The following ARHGAP24 variants were observed in gnomAD, a reference collection of about 807,000 sequenced individuals.
ARHGAP24 encodes the protein rho GTPase-activating protein 24.
A neutral mutation model predicts 76.4 loss-of-function variants in ARHGAP24; 50 were observed. That is an observed-to-expected ratio of 0.65 (90% CI 0.52 to 0.83). The LOEUF is 0.83. Among genes scored for constraint, ARHGAP24 ranks in the 40% least tolerant of loss-of-function variants. ARHGAP24 has a pLI of 0.00. For synonymous variants in ARHGAP24, 345 were observed against 323.3 expected (o/e 1.07, Z -0.72); for missense variants, 930 against 914.2 (o/e 1.02, Z -0.22).
At chr4:85,989,499 A>G (rs979958416) in intron 8 of ARHGAP24, among the ~76,000 whole-genome samples, 1 of 151,724 alleles carries the variant, frequency 6.6e-6, no homozygotes, top group Non-Finnish European at 1.5e-5. Flanking sequence ...CTCTTTCAGA[A>G]AAAAAGAAGT....
chr4:85,632,500 A>G (rs570540449), intron 2 of ARHGAP24, among the ~76,000 whole-genome samples: 1 of 151,728 alleles, frequency 6.6e-6, no homozygotes, highest in South Asian at 2.1e-4. Flanking sequence ...ATTGGATTTT[A>G]TATAATAACA....
At position 85,782,075 on chromosome 4, in the gene ARHGAP24, A is replaced by C. The variant is rs534138566; in HGVS notation, c.268+60103A>C. ...AAGAAAAAAAAAAGAAAAAAAAAAC[A>C]ATTGTCTAGAAATTGTGCTTATTTT... On this transcript the variant is annotated intron_variant, in intron 3 of 9. Coordinates refer to ENST00000395184, the MANE Select transcript of ARHGAP24 (RefSeq NM_001025616.3). Among the ~76,000 whole-genome samples, 14 of 149,050 alleles carry C rather than the reference A, an allele frequency of 9.4e-5. No homozygotes were observed. The East Asian group carries it at 2.6e-3, about 27-fold the overall frequency.
At chr4:85,969,442 A>G (rs1411557330) in intron 5 of ARHGAP24, among the ~76,000 whole-genome samples, 2 of 150,966 alleles carry the variant, frequency 1.3e-5, no homozygotes, top group South Asian at 2.1e-4. Context: ...TATACATAAC[A>G]TACTCTGTAT....
At chr4:85,570,960 GAGA>G (rs1727117143) in intron 2 of ARHGAP24, 1 of 419,624 alleles carries the variant, frequency 2.4e-6, no homozygotes, top group Non-Finnish European at 4.3e-6. Context: ...TAAGCCAGAG[GAGA>G]AGGTCTCACT....
At chr4:85,849,760 G>A (rs1251568562) in intron 3 of ARHGAP24, among the ~76,000 whole-genome samples, 1 of 152,014 alleles carries the variant, frequency 6.6e-6, no homozygotes, top group Non-Finnish European at 1.5e-5. Flanking sequence ...TTATTGATTT[G>A]CATATGTTGA....
intron 2 of ARHGAP24, among the ~76,000 whole-genome samples, chr4:85,582,726 T>C (rs928825624): frequency 6.6e-6 from 1 of 152,074 alleles, no homozygotes; most frequent in Non-Finnish European, 1.5e-5. Flanking sequence ...CACAACCTAG[T>C]ATTACCGGGG....
chr4:85,683,051 T>A (rs1371178603), intron 2 of ARHGAP24, among the ~76,000 whole-genome samples: 1 of 133,512 alleles, frequency 7.5e-6, no homozygotes, highest in Non-Finnish European at 1.5e-5. Context: ...GTTGCAAGCA[T>A]GAACTGAGTT....
At chr4:85,712,245 G>A (rs560192561) in intron 2 of ARHGAP24, among the ~76,000 whole-genome samples, 9 of 152,166 alleles carry the variant, frequency 5.9e-5, no homozygotes, top group Admixed American at 5.9e-4. Flanking sequence ...GAAGAGGGTG[G>A]GGTCAGAAAG....
intron 1 of ARHGAP24, among the ~76,000 whole-genome samples, chr4:85,510,784 TC>T (rs1258209210): frequency 6.8e-6 from 1 of 146,556 alleles, no homozygotes; most frequent in Non-Finnish European, 1.5e-5. Flanking sequence ...CTCCTCCCCC[TC>T]CTCTAGCCCC....
chr4:85,688,536 CTG>C (rs1723514865), intron 2 of ARHGAP24, among the ~76,000 whole-genome samples: 2 of 152,168 alleles, frequency 1.3e-5, no homozygotes, highest in Non-Finnish European at 1.5e-5. Flanking sequence ...TCTGTTTACT[CTG>C]TTGCTGGTTT....
chr4:85,682,210 T>C (rs1254744156), intron 2 of ARHGAP24, among the ~76,000 whole-genome samples: 1 of 152,206 alleles, frequency 6.6e-6, no homozygotes, highest in Non-Finnish European at 1.5e-5. Context: ...AAAACAAAGA[T>C]GTAAAGAAAC....
At chr4:85,636,197 C>T (rs1208153888) in intron 2 of ARHGAP24, among the ~76,000 whole-genome samples, 3 of 151,422 alleles carry the variant, frequency 2.0e-5, no homozygotes, top group Non-Finnish European at 4.4e-5. Flanking sequence ...TTTTTTTTAA[C>T]GCATCATCTC....
At chr4:85,977,097 T>A (rs1048499296) in intron 7 of ARHGAP24, among the ~76,000 whole-genome samples, 8 of 152,136 alleles carry the variant, frequency 5.3e-5, no homozygotes, top group Non-Finnish European at 1.0e-4. Context: ...CTGTATTTTA[T>A]CTATCTCATT....
In ARHGAP24 at chr4:85,612,289, C is replaced by T. The variant is rs113896014; in HGVS notation, c.180+41568C>T. ...AAAATTAGCTGGGCGTGGTGGTGGG[C>T]GCCTGTAGTCCCAGCTACTCGGGAG... On this transcript the variant is annotated intron_variant, in intron 2 of 9. Coordinates refer to ENST00000395184, the MANE Select transcript of ARHGAP24 (RefSeq NM_001025616.3). Among the ~76,000 whole-genome samples, 984 of 145,300 alleles carry T rather than the reference C, an allele frequency of 6.8e-3. 12 individuals are homozygous for T. The highest frequency in any genetic ancestry group is 0.023 in the African/African-American group (938 of 40,928).
chr4:85,760,422 T>C (rs1726691114), intron 3 of ARHGAP24, among the ~76,000 whole-genome samples: 2 of 152,212 alleles, frequency 1.3e-5, no homozygotes, highest in African/African-American at 4.8e-5. Context: ...TGAAATGCCA[T>C]TCTTTTTTAC....
At chr4:85,978,327 A>G (rs1257848243) in intron 8 of ARHGAP24, among the ~76,000 whole-genome samples, 2 of 152,200 alleles carry the variant, frequency 1.3e-5, no homozygotes, top group Non-Finnish European at 2.9e-5. Context: ...TTATTTTTAG[A>G]TTCACTCTAG....
intron 3 of ARHGAP24, among the ~76,000 whole-genome samples, chr4:85,794,603 C>T (rs1728268775): frequency 6.6e-6 from 1 of 152,178 alleles, no homozygotes; most frequent in African/African-American, 2.4e-5. Context: ...CTCCCTCAGC[C>T]TCCCGAGTGG....
At chr4:85,556,281 G>A (rs925440331) in intron 1 of ARHGAP24, among the ~76,000 whole-genome samples, 2 of 152,148 alleles carry the variant, frequency 1.3e-5, no homozygotes, top group African/African-American at 4.8e-5. Context: ...GAGGCTGTTG[G>A]TTGCCTCTGG....
chr4:85,843,562 T>C (rs534828460), intron 3 of ARHGAP24, among the ~76,000 whole-genome samples: 1 of 152,130 alleles, frequency 6.6e-6, no homozygotes, highest in Admixed American at 6.5e-5. Flanking sequence ...GAGTAGACAT[T>C]TCATAGAAAG....
Sources: allele counts gnomAD v4.1 joint callset (sites outside exome capture counted in the v4.1 genomes callset), GRCh38; gene constraint gnomAD v4.1.1; transcripts MANE v1.5; gene names NCBI Gene and HGNC (gene_info 2026-07-23, HGNC 2026-07-21).